The following GALNT17 variants were observed in gnomAD, a reference collection of about 807,000 sequenced individuals.
GALNT17 encodes polypeptide N-acetylgalactosaminyltransferase 17, also known as UDP-GalNAc:polypeptide N-acetylgalactosaminyltransferase-like 3.
GALNT17 carries 29 observed loss-of-function variants against 63.7 expected under a neutral mutation model. The ratio of observed to expected loss-of-function variants is 0.46; its 90% confidence interval spans 0.34 to 0.62. GALNT17 has a LOEUF of 0.62. Ranked by LOEUF, GALNT17 falls within the 20% of genes least tolerant of loss-of-function variation. GALNT17 has a pLI of 0.01. For synonymous variants in GALNT17, 305 were observed against 318.3 expected (o/e 0.96, Z 0.45); for missense variants, 603 against 799.6 (o/e 0.75, Z 2.97).
At position 71,142,100 on chromosome 7, in the gene GALNT17, C is replaced by A. The variant is rs564323362; in HGVS notation, c.238+9060C>A. Among the ~76,000 whole-genome samples, 7 of 151,442 alleles carry A rather than the reference C, an allele frequency of 4.6e-5. No homozygotes were observed. In the East Asian group the frequency reaches 1.4e-3, roughly 30 times the overall value. On this transcript the variant is annotated intron_variant, in intron 1 of 10. Coordinates refer to ENST00000333538, the MANE Select transcript of GALNT17 (RefSeq NM_022479.3). The stretch of plus-strand genomic sequence containing the variant: ...GGCCAGCCCTGTCTTGAACTCCTGA[C>A]CTCAAGTGATCCTCTTGCCTCAGCC...
chr7:71,296,406 T>A (rs978832104), intron 1 of GALNT17, among the ~76,000 whole-genome samples: 4 of 151,950 alleles, frequency 2.6e-5, no homozygotes, highest in Non-Finnish European at 5.9e-5. Context: ...TTGAGGTCAG[T>A]AGTTCAAGAC....
Position 71,230,866 on chromosome 7 carries a change from G to A in GALNT17, c.238+97826G>A, listed in dbSNP as rs557739375. On this transcript the variant is annotated intron_variant, in intron 1 of 10. Coordinates refer to ENST00000333538, the MANE Select transcript of GALNT17 (RefSeq NM_022479.3). Reference sequence around the variant, plus strand: ...TTCAAAGTGTGTGCCCCAAACCAACGTCGTCAAGATCACCTGGGAATGTGT... The same window carrying A: ...TTCAAAGTGTGTGCCCCAAACCAACATCGTCAAGATCACCTGGGAATGTGT... Among the ~76,000 whole-genome samples, 7 of 152,224 alleles carry A rather than the reference G, an allele frequency of 4.6e-5. No homozygotes were observed. The South Asian group carries it at 8.3e-4, about 18-fold the overall frequency.
intron 5 of GALNT17, among the ~76,000 whole-genome samples, chr7:71,431,323 G>A (rs1446897570): frequency 1.4e-5 from 2 of 145,120 alleles, no homozygotes; most frequent in East Asian, 4.3e-4. Flanking sequence ...TGATTCTCCC[G>A]CCTCAGCCTC....
Position 71,531,637 on chromosome 7 carries a change from G to A in GALNT17, c.963-39648G>A, listed in dbSNP as rs566160830. 8.3e-4 allele frequency among the ~76,000 whole-genome samples: 127 copies of A among 152,248 alleles called. 1 individual carries two copies. The highest frequency in any genetic ancestry group is 3.4e-3 in the Middle Eastern group (1 of 294). The stretch of plus-strand genomic sequence containing the variant: ...TATATTTTTGAGACAGGGTCTCACT[G>A]TGTTGACCATTGTGTTGCCCAGACT... On this transcript the variant is annotated intron_variant, in intron 5 of 10. Transcript: ENST00000333538.
At chr7:71,655,480 C>T (rs988726999) in intron 6 of GALNT17, among the ~76,000 whole-genome samples, 2 of 152,136 alleles carry the variant, frequency 1.3e-5, no homozygotes, top group East Asian at 1.9e-4. Flanking sequence ...GCAGCCTCTG[C>T]GGTCTGCTGT....
At chr7:71,160,685 C>T (rs1006053685) in intron 1 of GALNT17, among the ~76,000 whole-genome samples, 1 of 152,116 alleles carries the variant, frequency 6.6e-6, no homozygotes, top group Non-Finnish European at 1.5e-5. Context: ...TCTCAAACTC[C>T]CAACCTCAGG....
chr7:71,710,808 G>A lies in GALNT17; in HGVS notation c.1548G>A (p.Gly516=). The stretch of plus-strand genomic sequence containing the variant: ...GCTTCCTGCACTTGGGTGCCCTGGG[G>A]ACCACCACACTCCTCCCTGACACCC... ...KEGFLHLGAL[G]TTTLLPDTRC... The change falls in exon 10 of 11, where the codon GGG becomes GGA. Residue 516 remains glycine, a synonymous_variant. Coordinates refer to ENST00000333538, the MANE Select transcript of GALNT17 (RefSeq NM_022479.3). 6.2e-7 allele frequency: 1 copy of A among 1,613,406 alleles called. No homozygotes were observed. Among genetic ancestry groups the A allele is most frequent in the Non-Finnish European group, 8.5e-7 (1 of 1,179,942 alleles).
intron 1 of GALNT17, among the ~76,000 whole-genome samples, chr7:71,328,295 A>G (rs1265726555): frequency 6.6e-6 from 1 of 152,238 alleles, no homozygotes; most frequent in East Asian, 1.9e-4. Context: ...AAAATAACTC[A>G]GGCGGAAAAG....
At chr7:71,377,002 C>T (rs1241410823) in intron 2 of GALNT17, among the ~76,000 whole-genome samples, 1 of 148,662 alleles carries the variant, frequency 6.7e-6, no homozygotes, top group Non-Finnish European at 1.5e-5. Flanking sequence ...AGGAGAATCA[C>T]TTGAGGCCAG....
In GALNT17 at chr7:71,420,909, G is replaced by A. The variant is rs1243906418; in HGVS notation, c.766G>A (p.Ala256Thr). 11 of 1,614,128 alleles carry A rather than the reference G, an allele frequency of 6.8e-6. No individual in the cohort carries two copies. Among genetic ancestry groups the A allele is most frequent in the Non-Finnish European group, 9.3e-6 (11 of 1,180,016 alleles). The change falls in exon 5 of 11, where the codon GCT (alanine) becomes ACT (threonine). Residue 256 changes from alanine (A) to threonine (T), a missense_variant and splice_region_variant. This residue lies in a region of GALNT17 where 336 missense variants were observed against 507.8 expected (regional missense o/e 0.66). Coordinates refer to ENST00000333538, the MANE Select transcript of GALNT17 (RefSeq NM_022479.3). ...CATGTCTATTTCTCTATGTTTCAGG[G>A]CTGAGCCGGTTCTATCCCGCATCCA... Reference protein sequence around the residue: ...DAHVEFTAGWAEPVLSRIQEN... With the variant: ...DAHVEFTAGWTEPVLSRIQEN...
chr7:71,493,646 G>T (rs542176430), intron 5 of GALNT17, among the ~76,000 whole-genome samples: 10 of 152,196 alleles, frequency 6.6e-5, no homozygotes, highest in Admixed American at 1.3e-4. Flanking sequence ...ATGATCCAAT[G>T]ATCTCCCCCA....
At chr7:71,274,744 G>A (rs1002409232) in intron 1 of GALNT17, among the ~76,000 whole-genome samples, 1 of 152,220 alleles carries the variant, frequency 6.6e-6, no homozygotes, top group Admixed American at 6.5e-5. Flanking sequence ...CTGTGTTCTT[G>A]TGTGTTTGTG....
intron 1 of GALNT17, among the ~76,000 whole-genome samples, chr7:71,295,052 C>G (rs1357543441): frequency 6.6e-6 from 1 of 152,152 alleles, no homozygotes; most frequent in Non-Finnish European, 1.5e-5. Context: ...CCTGTACACC[C>G]TTAACTCAGT....
chr7:71,567,325 G>A (rs1473361832), intron 5 of GALNT17, among the ~76,000 whole-genome samples: 19 of 152,178 alleles, frequency 1.2e-4, no homozygotes, highest in Admixed American at 1.1e-3. Flanking sequence ...ATTGGCATGC[G>A]ATTTCTGTAA....
At position 71,571,414 on chromosome 7, in the gene GALNT17, G is replaced by A; in HGVS notation, c.1080+12G>A. The A allele has an allele frequency of 6.2e-7, 1 of 1,607,022 alleles. No homozygotes were observed. The highest frequency in any genetic ancestry group is 8.5e-7 in the Non-Finnish European group (1 of 1,173,722). ...AACTGGGAATCAAGGTTTGTGACAT[G>A]GTGTCCCTTCCTCTTGGTGTGCCCA... is the stretch of plus-strand genomic sequence containing the variant. On this transcript the variant is annotated intron_variant, in intron 6 of 10. Transcript: ENST00000333538.
intron 5 of GALNT17, among the ~76,000 whole-genome samples, chr7:71,494,400 C>T (rs1247899708): frequency 6.6e-6 from 1 of 152,116 alleles, no homozygotes; most frequent in East Asian, 1.9e-4. Flanking sequence ...GGCTGGAGTG[C>T]AGTGGTGTGA....
intron 1 of GALNT17, among the ~76,000 whole-genome samples, chr7:71,265,995 TG>T (rs1246330401): frequency 6.6e-6 from 1 of 152,134 alleles, no homozygotes; most frequent in Non-Finnish European, 1.5e-5. Flanking sequence ...CAAGGGTGAA[TG>T]TAATTCATTC....
chr7:71,657,145 C>A (rs970577465), intron 6 of GALNT17, among the ~76,000 whole-genome samples: 2 of 152,124 alleles, frequency 1.3e-5, no homozygotes, highest in Non-Finnish European at 2.9e-5. Context: ...AATTCTATGA[C>A]AAGGTGAGAA....
intron 2 of GALNT17, among the ~76,000 whole-genome samples, chr7:71,384,178 C>T (rs946117555): frequency 3.3e-5 from 5 of 151,970 alleles, no homozygotes; most frequent in Admixed American, 2.0e-4. Context: ...ATGGATGTGA[C>T]GTGGTATCTC....
Sources: gnomAD v4.1 joint callset for allele counts (sites outside exome capture counted in the v4.1 genomes callset) on GRCh38, gnomAD v4.1.1 for gene constraint, gnomAD v4.1.1 regional missense constraint, MANE v1.5 for transcripts, NCBI Gene and HGNC (gene_info 2026-07-23, HGNC 2026-07-21) for gene names.